GLIS3: variants seen among roughly 807,000 people sequenced by gnomAD.
The protein encoded by GLIS3 is GLIS family zinc finger 3.
A neutral mutation model predicts 78.6 loss-of-function variants in GLIS3; 53 were observed. That is an observed-to-expected ratio of 0.67 (90% CI 0.54 to 0.85). The LOEUF (loss-of-function observed/expected upper bound fraction) is 0.85, where lower values mean the gene tolerates loss of function less well. GLIS3 is among the 40% of genes least tolerant of loss of function. GLIS3 has a pLI of 0.00. For missense variants in GLIS3, 1,703 were observed against 1,231.1 expected, an observed-to-expected ratio of 1.38 and a Z score of -5.74; for synonymous variants, 684 against 509.9, an observed-to-expected ratio of 1.34 and a Z score of -4.60.
intron 9 of GLIS3, among the ~76,000 whole-genome samples, chr9:3,837,809 G>T (rs932079226): frequency 3.9e-5 from 6 of 152,182 alleles, no homozygotes; most frequent in Non-Finnish European, 8.8e-5. Flanking sequence ...AAGCTATTCC[G>T]TATGATGCTA....
chr9:4,002,965 A>T (rs1821233984), intron 4 of GLIS3, among the ~76,000 whole-genome samples: 1 of 152,250 alleles, frequency 6.6e-6, no homozygotes, highest in Non-Finnish European at 1.5e-5. Context: ...CTAAAGCCAT[A>T]GTTGCATACT....
chr9:3,993,207 C>G (rs1820469559), intron 4 of GLIS3, among the ~76,000 whole-genome samples: 1 of 152,140 alleles, frequency 6.6e-6, no homozygotes, highest in African/African-American at 2.4e-5. Flanking sequence ...TGACAACATA[C>G]CTGACTCTGC....
chr9:4,167,974 A>G (rs931697186), intron 2 of GLIS3, among the ~76,000 whole-genome samples: 4 of 152,184 alleles, frequency 2.6e-5, no homozygotes, highest in Admixed American at 6.5e-5. Context: ...GGCCAGCTGC[A>G]AGGAGGCAAG....
Position 3,916,528 on chromosome 9 carries a change from T to C in GLIS3, c.1983+15832A>G, listed in dbSNP as rs149464859. On this transcript the variant is annotated intron_variant, in intron 6 of 10. Transcript: ENST00000381971. ...AAAAGTTTTACAACAAATTGTGTGATTAAATTCCTTAAACACGTCTGTCCA... is the reference window on the plus strand; with the variant it reads ...AAAAGTTTTACAACAAATTGTGTGACTAAATTCCTTAAACACGTCTGTCCA... Among the ~76,000 whole-genome samples the C allele has an allele frequency of 1.2e-3, 179 of 152,362 alleles. 2 individuals are homozygous for C. The highest frequency in any genetic ancestry group is 1.9e-3 in the Non-Finnish European group (128 of 68,040).
At chr9:3,857,991 A>C (rs1459856494) in intron 8 of GLIS3, among the ~76,000 whole-genome samples, 1 of 152,166 alleles carries the variant, frequency 6.6e-6, no homozygotes, top group East Asian at 1.9e-4. Context: ...CCTAATCCCA[A>C]ATCCCCTGGT....
At chr9:4,373,902 G>C in the GLIS3 span, among the ~76,000 whole-genome samples, 3 of 152,004 alleles carry the variant, frequency 2.0e-5, no homozygotes, top group Admixed American at 6.6e-5. Flanking sequence ...TCCTGACCTC[G>C]TGATCTGCCT....
intron 6 of GLIS3, among the ~76,000 whole-genome samples, chr9:3,921,141 T>G (rs1255566036): frequency 6.6e-6 from 1 of 152,202 alleles, no homozygotes; most frequent in Admixed American, 6.5e-5. Flanking sequence ...AGATAAGGTG[T>G]GTAGTACAAC....
intron 4 of GLIS3, among the ~76,000 whole-genome samples, chr9:3,983,435 A>T (rs1373792533): frequency 1.3e-5 from 2 of 152,174 alleles, no homozygotes; most frequent in Admixed American, 6.5e-5. Context: ...GTAGATACTT[A>T]AAAATGTGGA....
chr9:4,470,664 A>T, the GLIS3 span, among the ~76,000 whole-genome samples: 1 of 150,452 alleles, frequency 6.6e-6, no homozygotes. Flanking sequence ...ATGGGCAAAA[A>T]CTGGAAGCAT....
chr9:4,063,564 A>C (rs1013036409), intron 4 of GLIS3, among the ~76,000 whole-genome samples: 3 of 152,236 alleles, frequency 2.0e-5, no homozygotes, highest in Non-Finnish European at 4.4e-5. Flanking sequence ...TGATTTAAAA[A>C]AAAAAAAATG....
At chr9:4,017,124 C>G (rs1199993087) in intron 4 of GLIS3, among the ~76,000 whole-genome samples, 1 of 152,176 alleles carries the variant, frequency 6.6e-6, no homozygotes, top group Admixed American at 6.5e-5. Context: ...TTCTAGACTT[C>G]TTCCCACCAC....
At chr9:3,987,784 A>C (rs2380911) in intron 4 of GLIS3, among the ~76,000 whole-genome samples, 15,121 of 69,346 alleles carry the variant, frequency 0.22, 2,782 homozygotes, top group South Asian at 0.26. Flanking sequence ...AAAAAAAAAA[A>C]AAAACAAAAC....
the GLIS3 span, among the ~76,000 whole-genome samples, chr9:4,364,852 T>C: frequency 2.8e-5 from 4 of 141,508 alleles, no homozygotes; most frequent in African/African-American, 7.7e-5. Flanking sequence ...GGTGCAATCA[T>C]AGCACACTAC....
At chr9:4,160,746 C>T (rs1885238) in intron 2 of GLIS3, among the ~76,000 whole-genome samples, 28,593 of 152,104 alleles carry the variant, frequency 0.19, 3,313 homozygotes, top group African/African-American at 0.33. Flanking sequence ...TACTTTCCAA[C>T]CTATTCTATA....
chr9:3,954,560 A>G (rs1816958212), intron 4 of GLIS3, among the ~76,000 whole-genome samples: 1 of 152,190 alleles, frequency 6.6e-6, no homozygotes, highest in African/African-American at 2.4e-5. Flanking sequence ...TGGGCTGAGA[A>G]TGTTTCTATT....
At chr9:3,934,693 G>C (rs1474629134) in intron 5 of GLIS3, among the ~76,000 whole-genome samples, 1 of 152,178 alleles carries the variant, frequency 6.6e-6, no homozygotes, top group Non-Finnish European at 1.5e-5. Flanking sequence ...ATAGGCGTGA[G>C]CCACCGTGCC....
chr9:3,824,798 C>T lies in GLIS3; in HGVS notation c.*3474G>A, dbSNP rs1817637860. 1 of 152,146 alleles carries T rather than the reference C, an allele frequency of 6.6e-6. No homozygotes were observed. The highest frequency in any genetic ancestry group is 1.5e-5 in the Non-Finnish European group (1 of 67,964). 9.4% of individuals were successfully genotyped at this position (152,146 alleles called of 1,614,324 possible). The stretch of plus-strand genomic sequence containing the variant: ...ATGGAAAACAGATTTCCACTTTTTT[C>T]CCCCAAAGTGCTTTATGTCAGCAAC... On this transcript the variant is annotated 3_prime_UTR_variant, in exon 11 of 11. Coordinates refer to ENST00000381971, the MANE Select transcript of GLIS3 (RefSeq NM_001042413.2).
chr9:4,478,791 T>A, the GLIS3 span, among the ~76,000 whole-genome samples: 94 of 152,308 alleles, frequency 6.2e-4, 2 homozygotes, highest in East Asian at 0.017. Context: ...TTAGAATGAA[T>A]TTTTTAAAGG....
At chr9:4,302,614 C>T (rs7872388), upstream of GLIS3, among the ~76,000 whole-genome samples, 144,887 of 152,310 alleles carry the variant, frequency 0.95, 69,027 homozygotes, top group Middle Eastern at 1. Flanking sequence ...TAATCTCCTA[C>T]TTAGAAGCAA....
Sources: gnomAD v4.1 joint callset for allele counts (sites outside exome capture counted in the v4.1 genomes callset) on GRCh38, gnomAD v4.1.1 for gene constraint, MANE v1.5 for transcripts, NCBI Gene and HGNC (gene_info 2026-07-23, HGNC 2026-07-21) for gene names.